NFIX: variants seen among roughly 807,000 people sequenced by gnomAD.
The protein encoded by NFIX is nuclear factor 1 X-type.
Under a neutral mutation model 53.3 loss-of-function variants are expected in NFIX, and 2 were observed. That is an observed-to-expected ratio of 0.04 (90% CI 0.02 to 0.12). NFIX has a LOEUF of 0.12. NFIX is among the 10% of genes least tolerant of loss of function. The pLI, the probability that NFIX is intolerant of heterozygous loss-of-function variation, is 1.00. For missense variants in NFIX, 310 were observed against 674.5 expected, an observed-to-expected ratio of 0.46 and a Z score of 5.99; for synonymous variants, 244 against 289.0, an observed-to-expected ratio of 0.84 and a Z score of 1.58.
Position 12,995,861 on chromosome 19 carries a change from C to A in NFIX, c.24C>A (p.Thr8=). The A allele has an allele frequency of 2.2e-5, 22 of 985,380 alleles. No individual in the cohort carries two copies. Among genetic ancestry groups the A allele is most frequent in the Non-Finnish European group, 2.6e-5 (22 of 830,820 alleles). 61.0% of individuals were successfully genotyped at this position (985,380 alleles called of 1,614,324 possible). ...CTATGTACTCCCCGTACTGCCTCAC[C>A]CAGGTACCGGCCGCCGCCCCCGCGC... MYSPYCL[T]QDEFHPFIEA... The change falls in exon 1 of 11, where the codon ACC becomes ACA. Residue 8 remains threonine, a synonymous_variant. Transcript: ENST00000592199.
chr19:13,010,653 C>T (rs1465854117), intron 1 of NFIX, among the ~76,000 whole-genome samples: 1 of 152,272 alleles, frequency 6.6e-6, no homozygotes, highest in Admixed American at 6.5e-5. Flanking sequence ...TACTCGAGCC[C>T]TGCGCCCCAA....
Position 13,096,684 on chromosome 19 carries a change from A to G in NFIX, c.*2035A>G, listed in dbSNP as rs1051753137. On this transcript the variant is annotated 3_prime_UTR_variant, in exon 11 of 11. Coordinates refer to ENST00000592199, the MANE Select transcript of NFIX (RefSeq NM_001365902.3). ...GGTTGGCTAAACAGGGTCAGAGCTGAGAGCGAAGCAGAAGGGGCTCCCTGT... is the reference window on the plus strand; with the variant it reads ...GGTTGGCTAAACAGGGTCAGAGCTGGGAGCGAAGCAGAAGGGGCTCCCTGT... The G allele has an allele frequency of 3.3e-5, 5 of 152,494 alleles. No homozygotes were observed. The highest frequency in any genetic ancestry group is 1.3e-4 in the Admixed American group (2 of 15,288). 9.4% of individuals were successfully genotyped at this position (152,494 alleles called of 1,614,324 possible).
At position 13,068,173 on chromosome 19, in the gene NFIX, G is replaced by A. The variant is rs930400486; in HGVS notation, c.560-4874G>A. On this transcript the variant is annotated intron_variant, in intron 2 of 10. Transcript: ENST00000592199. This position sits in a 1 kb window ranked among gnomAD's most constrained non-coding sequence, Gnocchi z 4.2. ...CAGTTGGAGTTTATGTGCAATCCCA[G>A]GCTCCTCCTGGCTGCTGGAGCTTCC... Among the ~76,000 whole-genome samples, 1 of 152,006 alleles carries A rather than the reference G, an allele frequency of 6.6e-6. No homozygotes were observed. Among genetic ancestry groups the A allele is most frequent in the African/African-American group, 2.4e-5 (1 of 41,384 alleles).
At chr19:13,080,948 T>C (rs1038648448) in intron 7 of NFIX, among the ~76,000 whole-genome samples, 2 of 150,816 alleles carry the variant, frequency 1.3e-5, no homozygotes, top group Middle Eastern at 3.4e-3. Flanking sequence ...TGCAGTGAGC[T>C]GAGATCGCAC....
In NFIX at chr19:13,088,500, T is replaced by G. The variant is rs895873690; in HGVS notation, c.1402+364T>G. Among the ~76,000 whole-genome samples, 17 of 151,720 alleles carry G rather than the reference T, an allele frequency of 1.1e-4. No individual in the cohort carries two copies. Among genetic ancestry groups the G allele is most frequent in the Admixed American group, 2.6e-4 (4 of 15,260 alleles). Reference sequence around the variant, plus strand: ...CATGCCTGATTGCTGTTTTTTTTTTTTTGTTTTTTGTTTTTGTTTTTTAAT... The same window carrying G: ...CATGCCTGATTGCTGTTTTTTTTTTGTTGTTTTTTGTTTTTGTTTTTTAAT... On this transcript the variant is annotated intron_variant, in intron 9 of 10. Transcript: ENST00000592199. The surrounding 1 kb of genome is among the most constrained non-coding windows in gnomAD (Gnocchi z 5.9).
Position 12,996,164 on chromosome 19 carries a change from TG to T in NFIX, c.27+301del, listed in dbSNP as rs2011460297. On this transcript the variant is annotated intron_variant, in intron 1 of 10. Transcript: ENST00000592199. The surrounding 1 kb of genome is among the most constrained non-coding windows in gnomAD (Gnocchi z 5.2). ...GTACGTGTGTGTGTGTGTGTGTGTG[TG>T]TGTGTGCGCGCTCGACTGGGGTGCG... Among the ~76,000 whole-genome samples, 1 of 151,516 alleles carries T rather than the reference TG, an allele frequency of 6.6e-6. No homozygotes were observed. Among genetic ancestry groups the T allele is most frequent in the Admixed American group, 6.6e-5 (1 of 15,236 alleles).
chr19:13,047,918 C>T (rs972810467), intron 2 of NFIX, among the ~76,000 whole-genome samples: 5 of 152,172 alleles, frequency 3.3e-5, no homozygotes, highest in African/African-American at 1.2e-4. Flanking sequence ...TCCGTCTGCT[C>T]GATGAAGGTA....
chr19:13,082,164 C>T (rs890222320), intron 8 of NFIX: 6 of 360,878 alleles, frequency 1.7e-5, no homozygotes, highest in South Asian at 5.6e-5. Context: ...TGATCCAACC[C>T]GGATCTGGGC....
rs567097247 is a variant in NFIX at position 13,002,982 on chromosome 19, A to G, written c.27+7118A>G. Among the ~76,000 whole-genome samples the G allele has an allele frequency of 2.6e-4, 39 of 152,158 alleles. No individual in the cohort carries two copies. The highest frequency in any genetic ancestry group is 6.8e-3 in the Middle Eastern group (2 of 294). ...CAAGCTGGAGGAAAGGACAGCATGG[A>G]GGTGCACCCGACCCCCCTGGGCCTT... On this transcript the variant is annotated intron_variant, in intron 1 of 10. Transcript: ENST00000592199. This position sits in a 1 kb window ranked among gnomAD's most constrained non-coding sequence, Gnocchi z 6.1.
rs994387371 is a variant in NFIX at position 13,002,295 on chromosome 19, G to T, written c.27+6431G>T. 6.6e-6 allele frequency among the ~76,000 whole-genome samples: 1 copy of T among 151,030 alleles called. No homozygotes were observed. Among genetic ancestry groups the T allele is most frequent in the African/African-American group, 2.4e-5 (1 of 40,874 alleles). ...CTCCTGCCAAACGCGTCTTGGCTCC[G>T]TCTGAATATCTCTCCTCCTCGATTT... On this transcript the variant is annotated intron_variant, in intron 1 of 10. Coordinates refer to ENST00000592199, the MANE Select transcript of NFIX (RefSeq NM_001365902.3). The surrounding 1 kb of genome is among the most constrained non-coding windows in gnomAD (Gnocchi z 6.1).
chr19:13,067,316 C>T lies in NFIX; in HGVS notation c.560-5731C>T, dbSNP rs1056973028. Among the ~76,000 whole-genome samples, 1 of 152,170 alleles carries T rather than the reference C, an allele frequency of 6.6e-6. No homozygotes were observed. Among genetic ancestry groups the T allele is most frequent in the African/African-American group, 2.4e-5 (1 of 41,434 alleles). ...AGGGCCAGGGGATGGGCAGGCACAC[C>T]CCAAGGGCTGTTCTCCCCGTTTCCA... On this transcript the variant is annotated intron_variant, in intron 2 of 10. Coordinates refer to ENST00000592199, the MANE Select transcript of NFIX (RefSeq NM_001365902.3). The surrounding 1 kb of genome is among the most constrained non-coding windows in gnomAD (Gnocchi z 4.2).
intron 2 of NFIX, among the ~76,000 whole-genome samples, chr19:13,032,546 C>T (rs557702595): frequency 3.9e-5 from 6 of 152,196 alleles, no homozygotes; most frequent in African/African-American, 1.2e-4. Context: ...TCCCAGATTC[C>T]GCCTTTGAAG....
At position 13,093,823 on chromosome 19, in the gene NFIX, CAGG is replaced by C. The variant is rs1184870061; in HGVS notation, c.1495-808_1495-806del. Reference sequence around the variant, plus strand: ...AGTAGACCCTGACCCACCACTTTGCCAGGAGGTGGGGCTGGAGCCTTGGATGGA... The same window carrying C: ...AGTAGACCCTGACCCACCACTTTGCCAGGTGGGGCTGGAGCCTTGGATGGA... On this transcript the variant is annotated intron_variant, in intron 10 of 10. Transcript: ENST00000592199. The surrounding 1 kb of genome is among the most constrained non-coding windows in gnomAD (Gnocchi z 4.7). 1.3e-5 allele frequency among the ~76,000 whole-genome samples: 2 copies of C among 152,120 alleles called. No individual in the cohort carries two copies. Among genetic ancestry groups the C allele is most frequent in the East Asian group, 3.9e-4 (2 of 5,186 alleles).
In NFIX at chr19:13,089,753, G is replaced by A. The variant is rs868122237; in HGVS notation, c.1403-546G>A. Among the ~76,000 whole-genome samples the A allele has an allele frequency of 1.5e-4, 23 of 152,316 alleles. No individual in the cohort carries two copies. The highest frequency in any genetic ancestry group is 6.8e-3 in the Middle Eastern group (2 of 294). ...GGTAAGAGGTGTAGCATCTAGCTAG[G>A]CCACCCAGGTTGGAGAGGTAGCCTG... is the stretch of plus-strand genomic sequence containing the variant. On this transcript the variant is annotated intron_variant, in intron 9 of 10. Transcript: ENST00000592199. This position sits in a 1 kb window ranked among gnomAD's most constrained non-coding sequence, Gnocchi z 4.8.
intron 2 of NFIX, among the ~76,000 whole-genome samples, chr19:13,059,777 C>CTTTTTTTTT (rs35128120): frequency 1.2e-4 from 7 of 60,336 alleles, no homozygotes; most frequent in Non-Finnish European, 1.8e-4. Flanking sequence ...AATTAGAATT[C>CTTTTTTTTT]TTTTTTTTTT....
chr19:13,001,805 A>G lies in NFIX; in HGVS notation c.27+5941A>G, dbSNP rs952182010. Among the ~76,000 whole-genome samples the G allele has an allele frequency of 2.0e-5, 3 of 152,278 alleles. No homozygotes were observed. In the East Asian group the frequency reaches 5.8e-4, roughly 29 times the overall value. On this transcript the variant is annotated intron_variant, in intron 1 of 10. Transcript: ENST00000592199. This position sits in a 1 kb window ranked among gnomAD's most constrained non-coding sequence, Gnocchi z 6.5. Reference sequence around the variant, plus strand: ...CCGAGCACCATGTGAGATGCCTGCTATGGCGGCCGGGCAAGCGGCTGGGAG... The same window carrying G: ...CCGAGCACCATGTGAGATGCCTGCTGTGGCGGCCGGGCAAGCGGCTGGGAG...
In NFIX at chr19:13,015,912, C is replaced by T. The variant is rs561888974; in HGVS notation, c.28-9109C>T. On this transcript the variant is annotated intron_variant, in intron 1 of 10. Coordinates refer to ENST00000592199, the MANE Select transcript of NFIX (RefSeq NM_001365902.3). ...GAATAGCACACTCTGCTCTATAACACGTGTATGCACATAGGTGTTTGCATT... is the reference window on the plus strand; with the variant it reads ...GAATAGCACACTCTGCTCTATAACATGTGTATGCACATAGGTGTTTGCATT... Among the ~76,000 whole-genome samples the T allele has an allele frequency of 4.5e-4, 69 of 152,304 alleles. 1 individual carries two copies. The South Asian group carries it at 0.013, about 30-fold the overall frequency.
In NFIX at chr19:13,052,730, T is replaced by C. The variant is rs141103021; in HGVS notation, c.560-20317T>C. 0.016 allele frequency among the ~76,000 whole-genome samples: 2,415 copies of C among 150,580 alleles called. 34 individuals carry two copies. Among genetic ancestry groups the C allele is most frequent in the African/African-American group, 0.034 (1,367 of 39,978 alleles). Reference sequence around the variant, plus strand: ...CTCGACCCAGTTGAGGCTGTGCTTCTGTGCTTCTTGGAACGGCTCGGCTCC... The same window carrying C: ...CTCGACCCAGTTGAGGCTGTGCTTCCGTGCTTCTTGGAACGGCTCGGCTCC... On this transcript the variant is annotated intron_variant, in intron 2 of 10. Transcript: ENST00000592199. This position sits in a 1 kb window ranked among gnomAD's most constrained non-coding sequence, Gnocchi z 5.2.
chr19:13,023,940 T>G, intron 1 of NFIX: 1 of 212,730 alleles, frequency 4.7e-6, no homozygotes, highest in Non-Finnish European at 8.7e-6. Context: ...CTCCTCCTCC[T>G]CCCCCCTCCC....
Sources: allele counts gnomAD v4.1 joint callset (sites outside exome capture counted in the v4.1 genomes callset), GRCh38; gene constraint gnomAD v4.1.1; non-coding constraint Gnocchi (gnomAD v3.1); transcripts MANE v1.5; gene names NCBI Gene and HGNC (gene_info 2026-07-23, HGNC 2026-07-21).